Variants in AGBL3 observed in about 807,000 individuals in gnomAD.
AGBL3 encodes AGBL carboxypeptidase 3.
Under a neutral mutation model 94.5 loss-of-function variants are expected in AGBL3, and 68 were observed. That is an observed-to-expected ratio of 0.72 (90% CI 0.59 to 0.88). AGBL3 has a LOEUF of 0.88. AGBL3 is among the 40% of genes least tolerant of loss of function. The pLI is 0.00. For synonymous variants in AGBL3, 354 were observed against 370.7 expected (o/e 0.95, Z 0.52); for missense variants, 934 against 1,103.8 (o/e 0.85, Z 2.18).
At chr7:135,068,192 A>T (rs1819540457) in intron 12 of AGBL3, among the ~76,000 whole-genome samples, 1 of 152,232 alleles carries the variant, frequency 6.6e-6, no homozygotes, top group Non-Finnish European at 1.5e-5. Context: ...GAGAAAAAAT[A>T]ATAAAAAGAA....
At position 135,115,576 on chromosome 7, in the gene AGBL3, A is replaced by G. The variant is rs556838766; in HGVS notation, c.2307A>G (p.Leu769=). ...TGCAAACCACTCAGATAAAACAGCT[A>G]TTCAATCCAAGAACCAACTTCCAAA... ...KNMQTTQIKQ[L]FNPRTNFQIQ... The change falls in exon 16 of 17, where the codon CTA becomes CTG. Residue 769 remains leucine (L), a synonymous_variant. Transcript: ENST00000436302. The G allele has an allele frequency of 4.6e-5, 72 of 1,551,014 alleles. No homozygotes were observed. In the African/African-American group the frequency reaches 7.9e-4, roughly 17 times the overall value.
intron 15 of AGBL3, among the ~76,000 whole-genome samples, chr7:135,112,660 T>C (rs188491467): frequency 4.2e-4 from 64 of 152,376 alleles, no homozygotes; most frequent in African/African-American, 1.5e-3. Context: ...AATAGATACT[T>C]TACTTTTTGC....
intron 11 of AGBL3, among the ~76,000 whole-genome samples, chr7:135,046,669 C>T (rs1192832084): frequency 1.3e-5 from 2 of 152,010 alleles, no homozygotes; most frequent in African/African-American, 4.8e-5. Flanking sequence ...ATTTTTAGCA[C>T]TCAGTAATAT....
At chr7:135,060,263 CATTT>C (rs1342183686) in intron 12 of AGBL3, among the ~76,000 whole-genome samples, 1 of 152,052 alleles carries the variant, frequency 6.6e-6, no homozygotes, top group East Asian at 1.9e-4. Context: ...TTCTTCAATT[CATTT>C]ATTTTTAATA....
intron 16 of AGBL3, among the ~76,000 whole-genome samples, chr7:135,116,063 CAT>C (rs1182680470): frequency 3.3e-5 from 5 of 152,084 alleles, no homozygotes; most frequent in Admixed American, 6.5e-5. Context: ...CAAAAGGAAA[CAT>C]GTGTAAATAA....
intron 5 of AGBL3, among the ~76,000 whole-genome samples, chr7:135,031,839 C>T (rs1815775236): frequency 2.0e-5 from 3 of 152,208 alleles, no homozygotes; most frequent in African/African-American, 7.2e-5. Flanking sequence ...TGTATGTCCT[C>T]TGGCATCTCA....
At chr7:135,027,536 G>A (rs1815284764) in intron 5 of AGBL3, among the ~76,000 whole-genome samples, 2 of 151,296 alleles carry the variant, frequency 1.3e-5, no homozygotes, top group Admixed American at 6.6e-5. Flanking sequence ...CCCAAAGAAC[G>A]TCTTTAGCAT....
intron 4 of AGBL3, among the ~76,000 whole-genome samples, chr7:134,996,233 T>A (rs979889208): frequency 1.3e-5 from 2 of 152,138 alleles, no homozygotes; most frequent in African/African-American, 4.8e-5. Flanking sequence ...GTCTTCAGAC[T>A]GAAACACCAA....
chr7:135,081,173 TC>T (rs1820891268), intron 14 of AGBL3, among the ~76,000 whole-genome samples: 1 of 152,082 alleles, frequency 6.6e-6, no homozygotes, highest in African/African-American at 2.4e-5. Context: ...CATTTTAATG[TC>T]AAAAATTAAA....
chr7:135,061,151 AG>A (rs1818807358), intron 12 of AGBL3, among the ~76,000 whole-genome samples: 1 of 151,916 alleles, frequency 6.6e-6, no homozygotes, highest in Non-Finnish European at 1.5e-5. Flanking sequence ...TTAGTGATGT[AG>A]GGCATTTTTA....
intron 15 of AGBL3, among the ~76,000 whole-genome samples, chr7:135,104,646 T>C (rs1188080225): frequency 1.3e-5 from 2 of 152,238 alleles, no homozygotes; most frequent in South Asian, 2.1e-4. Flanking sequence ...TGGTATCTCA[T>C]TGTGGTTTTG....
intron 5 of AGBL3, among the ~76,000 whole-genome samples, chr7:135,023,401 G>C (rs1008773483): frequency 6.6e-6 from 1 of 152,166 alleles, no homozygotes; most frequent in Admixed American, 6.5e-5. Flanking sequence ...TCCTACCCCT[G>C]AACAGTCCTA....
intron 12 of AGBL3, among the ~76,000 whole-genome samples, chr7:135,061,300 T>C (rs1237432033): frequency 1.3e-5 from 2 of 152,142 alleles, no homozygotes; most frequent in East Asian, 1.9e-4. Context: ...TTATCAGATG[T>C]ATGGTTTGCA....
chr7:135,131,708 A>G (rs1828803509), intron 16 of AGBL3, among the ~76,000 whole-genome samples: 4 of 152,076 alleles, frequency 2.6e-5, no homozygotes. Flanking sequence ...ATAAGAGCAG[A>G]AATTAATAAA....
chr7:134,988,546 A>T (rs1809779111), intron 2 of AGBL3, among the ~76,000 whole-genome samples: 1 of 152,166 alleles, frequency 6.6e-6, no homozygotes. Context: ...TATGTATGTA[A>T]ACTAATGTCC....
rs182917986 is a variant in AGBL3 at position 135,010,395 on chromosome 7, T to C, written c.311-6657T>C. ...TCAAAAGTGTCAAAGTCATGAAATA[T>C]AAGGAAAGACTGAAAAGCTGTTCTA... On this transcript the variant is annotated intron_variant, in intron 4 of 16. Coordinates refer to ENST00000436302, the MANE Select transcript of AGBL3 (RefSeq NM_178563.4). 1.4e-3 allele frequency: 252 copies of C among 184,928 alleles called. 2 individuals are homozygous for C. Among genetic ancestry groups the C allele is most frequent in the African/African-American group, 5.9e-3 (248 of 41,716 alleles). 11.5% of individuals were successfully genotyped at this position (184,928 alleles called of 1,614,324 possible).
Position 135,068,000 on chromosome 7 carries a change from C to T in AGBL3, c.1909-8397C>T, listed in dbSNP as rs1315476140. On this transcript the variant is annotated intron_variant, in intron 12 of 16. Coordinates refer to ENST00000436302, the MANE Select transcript of AGBL3 (RefSeq NM_178563.4). ...GTTAAAAACCTTGAAAAAAATTAGA[C>T]GAATGGCTAACTAGAATAACCAATG... Among the ~76,000 whole-genome samples the T allele has an allele frequency of 7.9e-5, 12 of 151,910 alleles. 2 individuals carry two copies. Among genetic ancestry groups the T allele is most frequent in the African/African-American group, 2.9e-4 (12 of 41,390 alleles).
intron 15 of AGBL3, among the ~76,000 whole-genome samples, chr7:135,107,976 C>CT (rs549582591): frequency 7.0e-4 from 104 of 149,478 alleles, no homozygotes; most frequent in East Asian, 1.4e-3. Context: ...ATGTCTTTAT[C>CT]TTTTTTTTTT....
intron 11 of AGBL3, among the ~76,000 whole-genome samples, chr7:135,049,258 T>A (rs1817662368): frequency 6.6e-6 from 1 of 152,012 alleles, no homozygotes; most frequent in African/African-American, 2.4e-5. Flanking sequence ...CATACTTGCA[T>A]CCCAGGGATA....
Sources: gnomAD v4.1 joint callset for allele counts (sites outside exome capture counted in the v4.1 genomes callset) on GRCh38, gnomAD v4.1.1 for gene constraint, MANE v1.5 for transcripts, NCBI Gene and HGNC (gene_info 2026-07-23, HGNC 2026-07-21) for gene names.